Variants in PDE1C observed in about 807,000 individuals in gnomAD.
PDE1C encodes the protein dual specificity calcium/calmodulin-dependent 3',5'-cyclic nucleotide phosphodiesterase 1C.
A neutral mutation model predicts 93.1 loss-of-function variants in PDE1C; 62 were observed. The observed-to-expected ratio is 0.67, with a 90% CI of 0.54 to 0.82. PDE1C has a LOEUF of 0.82. PDE1C is among the 40% of genes least tolerant of loss of function. PDE1C has a pLI of 0.00. For synonymous variants in PDE1C, 325 were observed against 310.1 expected, an observed-to-expected ratio of 1.05 and a Z score of -0.50; for missense variants, 742 against 884.6, an observed-to-expected ratio of 0.84 and a Z score of 2.04.
chr7:31,748,636 T>C (rs912871928), downstream of PDE1C, among the ~76,000 whole-genome samples: 1 of 152,232 alleles, frequency 6.6e-6, no homozygotes, highest in Non-Finnish European at 1.5e-5. Context: ...ATAAGTCTCC[T>C]AGATCAGTCT....
At chr7:32,115,485 G>A (rs147442655) in intron 3 of PDE1C, among the ~76,000 whole-genome samples, 749 of 152,178 alleles carry the variant, frequency 4.9e-3, no homozygotes, top group African/African-American at 0.017. Flanking sequence ...GGGAGTGAGG[G>A]AGGGAGAGCA....
chr7:31,655,190 C>T, the PDE1C span, among the ~76,000 whole-genome samples: 1 of 152,108 alleles, frequency 6.6e-6, no homozygotes, highest in Non-Finnish European at 1.5e-5. Flanking sequence ...CTGGTCATTG[C>T]CCCAACTCAG....
chr7:31,763,122 A>T (rs1478094160), intron 17 of PDE1C, among the ~76,000 whole-genome samples: 1 of 152,120 alleles, frequency 6.6e-6, no homozygotes, highest in Non-Finnish European at 1.5e-5. Context: ...ACCAGGCTTG[A>T]AAACCACTGG....
chr7:32,220,830 A>G (rs1057371921), intron 1 of PDE1C, among the ~76,000 whole-genome samples: 2 of 152,086 alleles, frequency 1.3e-5, no homozygotes, highest in Admixed American at 1.3e-4. Flanking sequence ...AAAAACAAAA[A>G]CAAAAACAAA....
In PDE1C at chr7:32,086,957, G is replaced by A. The variant is rs1043240594; in HGVS notation, c.308+82828C>T. Among the ~76,000 whole-genome samples the A allele has an allele frequency of 3.6e-4, 55 of 151,584 alleles. 1 individual carries two copies. The highest frequency in any genetic ancestry group is 1.2e-3 in the African/African-American group (51 of 41,348). On this transcript the variant is annotated intron_variant, in intron 3 of 18. Transcript: ENST00000396193. Reference sequence around the variant, plus strand: ...ACATAGGCATGGGCAAGGACTTCATGTCTAAAACACCAAAAGCAATGGCAA... The same window carrying A: ...ACATAGGCATGGGCAAGGACTTCATATCTAAAACACCAAAAGCAATGGCAA...
At chr7:32,315,931 G>A (rs1042398790) in intron 1 of PDE1C, among the ~76,000 whole-genome samples, 2 of 152,220 alleles carry the variant, frequency 1.3e-5, no homozygotes, top group African/African-American at 4.8e-5. Context: ...GGAGGCCAAA[G>A]TTGTGGTGAG....
chr7:32,046,205 CTTTT>C (rs75414654), intron 2 of PDE1C, among the ~76,000 whole-genome samples: 1 of 115,730 alleles, frequency 8.6e-6, no homozygotes, highest in Non-Finnish European at 1.8e-5. Context: ...AGCCATTTGC[CTTTT>C]TTTTAAAAAA....
chr7:32,405,011 A>G (rs1785022892), intron 1 of PDE1C, among the ~76,000 whole-genome samples: 1 of 152,118 alleles, frequency 6.6e-6, no homozygotes, highest in African/African-American at 2.4e-5. Context: ...TCAAAGCTTT[A>G]TCTGTGGAAT....
At chr7:31,620,752 T>G in the PDE1C span, among the ~76,000 whole-genome samples, 1 of 152,076 alleles carries the variant, frequency 6.6e-6, no homozygotes, top group South Asian at 2.1e-4. Context: ...GGAACAAAGC[T>G]GGATGGAGAA....
intron 1 of PDE1C, among the ~76,000 whole-genome samples, chr7:32,387,171 T>G (rs1329791534): frequency 6.6e-6 from 1 of 151,358 alleles, no homozygotes; most frequent in Non-Finnish European, 1.5e-5. Context: ...AGCACATGTT[T>G]CAGAGAGCAC....
chr7:32,183,132 T>G (rs1451170070), intron 2 of PDE1C, among the ~76,000 whole-genome samples: 1 of 152,100 alleles, frequency 6.6e-6, no homozygotes, highest in Non-Finnish European at 1.5e-5. Flanking sequence ...TACAAACCAC[T>G]GCTCAATGAA....
At chr7:31,884,418 T>G (rs890842472) in intron 2 of PDE1C, among the ~76,000 whole-genome samples, 1 of 152,170 alleles carries the variant, frequency 6.6e-6, no homozygotes, top group African/African-American at 2.4e-5. Context: ...ATAAGAAGTT[T>G]CTTTAAAAAG....
chr7:32,421,130 T>A lies in PDE1C; in HGVS notation c.310+6692A>T, dbSNP rs79463419. On this transcript the variant is annotated intron_variant, in intron 1 of 1. Transcript: ENST00000672256. ...ACACACAGCACTAGGTTGAATAATTTGAGTAAATTACAGAAAATATAACAC... is the reference window on the plus strand; with the variant it reads ...ACACACAGCACTAGGTTGAATAATTAGAGTAAATTACAGAAAATATAACAC... Among the ~76,000 whole-genome samples, 941 of 152,180 alleles carry A rather than the reference T, an allele frequency of 6.2e-3. 38 individuals carry two copies. The highest frequency in any genetic ancestry group is 0.025 in the East Asian group (129 of 5,176).
At chr7:32,216,162 G>A (rs182075882) in intron 1 of PDE1C, among the ~76,000 whole-genome samples, 1 of 152,272 alleles carries the variant, frequency 6.6e-6, no homozygotes, top group East Asian at 1.9e-4. Flanking sequence ...AAAACAAGAA[G>A]GAATGCTGGG....
intron 17 of PDE1C, among the ~76,000 whole-genome samples, chr7:31,763,394 G>C (rs1421973724): frequency 6.6e-6 from 1 of 152,108 alleles, no homozygotes. Flanking sequence ...CAGGATCTTA[G>C]TGCTAAGGTC....
intron 2 of PDE1C, among the ~76,000 whole-genome samples, chr7:32,185,247 GAAAAAAA>G (rs60570476): frequency 0.023 from 2,332 of 101,574 alleles, 78 homozygotes; most frequent in African/African-American, 0.072. Flanking sequence ...CTCTGTCTCA[GAAAAAAA>G]AAAAAAAAAA....
At chr7:31,638,138 T>C in the PDE1C span, among the ~76,000 whole-genome samples, 3 of 152,196 alleles carry the variant, frequency 2.0e-5, no homozygotes, top group Non-Finnish European at 4.4e-5. Flanking sequence ...TTTTGAAAGG[T>C]TACTGCAAGA....
At chr7:32,171,108 C>G (rs756548731) in intron 2 of PDE1C, among the ~76,000 whole-genome samples, 5 of 152,166 alleles carry the variant, frequency 3.3e-5, no homozygotes, top group Admixed American at 6.5e-5. Flanking sequence ...CCAGATGGCC[C>G]CGTAACATGA....
At chr7:31,877,656 CCATAA>C (rs1284078763) in intron 5 of PDE1C, among the ~76,000 whole-genome samples, 41 of 148,642 alleles carry the variant, frequency 2.8e-4, no homozygotes, top group Non-Finnish European at 3.0e-5. Flanking sequence ...ATACTTACAG[CCATAA>C]CATATTTGAT....
Sources: allele counts gnomAD v4.1 joint callset (sites outside exome capture counted in the v4.1 genomes callset), GRCh38; gene constraint gnomAD v4.1.1; transcripts MANE v1.5; gene names NCBI Gene and HGNC (gene_info 2026-07-23, HGNC 2026-07-21).